Variants in LEPR observed in about 807,000 individuals in gnomAD.
The protein encoded by LEPR is OB receptor.
A neutral mutation model predicts 114.7 loss-of-function variants in LEPR; 56 were observed. The ratio of observed to expected loss-of-function variants is 0.49; its 90% CI spans 0.39 to 0.61. The LOEUF is 0.61. Ranked by LOEUF, LEPR falls within the 20% of genes least tolerant of loss-of-function variation. LEPR has a pLI of 0.00. For missense variants in LEPR, 1,202 were observed against 1,352.9 expected (o/e 0.89, Z 1.75); for synonymous variants, 443 against 461.4 (o/e 0.96, Z 0.51).
intron 2 of LEPR, among the ~76,000 whole-genome samples, chr1:65,462,039 T>C (rs889706694): frequency 5.3e-5 from 8 of 152,212 alleles, no homozygotes; most frequent in African/African-American, 1.9e-4. Flanking sequence ...ACGTGCACAA[T>C]GTGCAGGTTT....
intron 2 of LEPR, among the ~76,000 whole-genome samples, chr1:65,558,020 G>A (rs1404455645): frequency 6.6e-6 from 1 of 152,162 alleles, no homozygotes; most frequent in African/African-American, 2.4e-5. Flanking sequence ...AGGAGACCAG[G>A]TGAGTTAAAA....
At chr1:65,596,820 A>G (rs1315913381) in intron 7 of LEPR, among the ~76,000 whole-genome samples, 1 of 152,078 alleles carries the variant, frequency 6.6e-6, no homozygotes, top group East Asian at 1.9e-4. Flanking sequence ...AATTACAATT[A>G]TTTTCCACCA....
chr1:65,507,459 G>GTGTGTGTGTATA (rs375120311), intron 2 of LEPR, among the ~76,000 whole-genome samples: 5 of 139,522 alleles, frequency 3.6e-5, no homozygotes, highest in Admixed American at 7.4e-5. Flanking sequence ...GTGTGTGTGT[G>GTGTGTGTGTATA]TATATATATA....
intron 5 of LEPR, among the ~76,000 whole-genome samples, chr1:65,586,185 A>G (rs144458362): frequency 6.6e-6 from 1 of 152,158 alleles, no homozygotes; most frequent in African/African-American, 2.4e-5. Flanking sequence ...ACAAGACTTC[A>G]GTTGAGTTCC....
At chr1:65,628,845 T>C (rs1232450785) in intron 19 of LEPR, among the ~76,000 whole-genome samples, 1 of 152,192 alleles carries the variant, frequency 6.6e-6, no homozygotes, top group African/African-American at 2.4e-5. Context: ...AATGACTTAA[T>C]AATGAAATGT....
chr1:65,609,899 A>G (rs1210467127), intron 12 of LEPR, 48 bp from the exon 13 acceptor site: 10 of 1,612,668 alleles, frequency 6.2e-6, no homozygotes, highest in Non-Finnish European at 8.5e-6. Context: ...CCCTTTAGAT[A>G]CATATGTGTT....
At chr1:65,610,653 A>G (rs1657107040) in intron 14 of LEPR, among the ~76,000 whole-genome samples, 1 of 152,192 alleles carries the variant, frequency 6.6e-6, no homozygotes, top group Non-Finnish European at 1.5e-5. Context: ...TTAATCCTGA[A>G]CAATGTAAAT....
At chr1:65,608,711 AT>A in intron 11 of LEPR, 41 bp from the exon 12 acceptor site, 2 of 1,591,054 alleles carry the variant, frequency 1.3e-6, no homozygotes, top group Non-Finnish European at 1.7e-6. Flanking sequence ...CATTATTACT[AT>A]TTAAATTACC....
intron 2 of LEPR, among the ~76,000 whole-genome samples, chr1:65,428,461 A>G (rs1430066952): frequency 2.0e-5 from 3 of 152,176 alleles, no homozygotes; most frequent in African/African-American, 4.8e-5. Flanking sequence ...ACTTCCCACA[A>G]TATTGTTTGG....
chr1:65,629,679 CT>C, intron 19 of LEPR, among the ~76,000 whole-genome samples: 2 of 149,264 alleles, frequency 1.3e-5, no homozygotes, highest in African/African-American at 5.1e-5. Context: ...CCCTCCCTCT[CT>C]TTCTTTCTTT....
chr1:65,592,828 C>G lies in LEPR; in HGVS notation c.666C>G (p.Phe222Leu), dbSNP rs886046503. The change falls in exon 6 of 20, where the codon TTC becomes TTG. Residue 222 changes from phenylalanine (F) to leucine (L), a missense_variant. Physicochemically the swap from Phe to Leu is conservative, Grantham distance 22. Transcript: ENST00000349533. ...CLKITSGGVIFQSPLMSVQPI... is the reference protein window; with the variant it reads ...CLKITSGGVILQSPLMSVQPI... ...AAATCACATCTGGTGGAGTAATTTT[C>G]CAGTCACCTCTAATGTCAGTTCAGC... The G allele has an allele frequency of 6.2e-6, 10 of 1,613,096 alleles. No individual in the cohort carries two copies. The Admixed American group carries it at 1.5e-4, about 24-fold the overall frequency.
At chr1:65,435,550 A>G in intron 2 of LEPR, 1 of 450,982 alleles carries the variant, frequency 2.2e-6, no homozygotes, top group Non-Finnish European at 2.9e-6. Flanking sequence ...TTGTATTTTT[A>G]GTAAAGACGG....
At chr1:65,626,349 G>T in intron 19 of LEPR, 1 of 1,275,186 alleles carries the variant, frequency 7.8e-7, no homozygotes. Flanking sequence ...CAGTGGGTGT[G>T]AATGTTCTTA....
intron 2 of LEPR, among the ~76,000 whole-genome samples, chr1:65,553,037 A>T (rs905347994): frequency 6.6e-6 from 1 of 152,140 alleles, no homozygotes; most frequent in African/African-American, 2.4e-5. Context: ...AATGTTGAAT[A>T]TTGGCCCCCA....
chr1:65,507,831 G>C (rs1648834467), intron 2 of LEPR, among the ~76,000 whole-genome samples: 1 of 152,072 alleles, frequency 6.6e-6, no homozygotes, highest in South Asian at 2.1e-4. Context: ...AGTGTACAAG[G>C]GTTCCTTCTC....
intron 2 of LEPR, among the ~76,000 whole-genome samples, chr1:65,529,300 C>G (rs1650209513): frequency 6.6e-6 from 1 of 151,810 alleles, no homozygotes; most frequent in Non-Finnish European, 1.5e-5. Context: ...ACGGGTGGAT[C>G]ACAAGGTCAG....
At chr1:65,523,849 G>A (rs779195810) in intron 2 of LEPR, among the ~76,000 whole-genome samples, 10 of 152,266 alleles carry the variant, frequency 6.6e-5, no homozygotes, top group Admixed American at 1.3e-4. Flanking sequence ...ATGTAACTAC[G>A]TTAAGAATCT....
intron 2 of LEPR, among the ~76,000 whole-genome samples, chr1:65,498,629 G>A (rs184336502): frequency 1.0e-3 from 154 of 152,190 alleles, no homozygotes; most frequent in Non-Finnish European, 1.9e-3. Flanking sequence ...TATATAAACA[G>A]AAGAAGGAAA....
chr1:65,586,202 A>G (rs1215380289), intron 5 of LEPR, among the ~76,000 whole-genome samples: 1 of 152,010 alleles, frequency 6.6e-6, no homozygotes, highest in Non-Finnish European at 1.5e-5. Context: ...TTCCAGGTCT[A>G]CCTTCTCTCC....
Sources: gnomAD v4.1 joint callset for allele counts (sites outside exome capture counted in the v4.1 genomes callset) on GRCh38, gnomAD v4.1.1 for gene constraint, MANE v1.5 for transcripts, NCBI Gene and HGNC (gene_info 2026-07-23, HGNC 2026-07-21) for gene names.